Variants in MRTFA observed in about 807,000 individuals in gnomAD.
The protein encoded by MRTFA is myocardin related transcription factor A.
A neutral mutation model predicts 83.5 loss-of-function variants in MRTFA; 20 were observed. The ratio of observed to expected loss-of-function variants is 0.24; its 90% CI spans 0.17 to 0.35. The LOEUF (loss-of-function observed/expected upper bound fraction) is 0.35. Among genes scored for constraint, MRTFA ranks in the 10% least tolerant of loss-of-function variants. MRTFA has a pLI of 1.00. For missense variants in MRTFA, 1,200 were observed against 1,224.7 expected, an observed-to-expected ratio of 0.98 and a Z score of 0.30; for synonymous variants, 659 against 541.2, an observed-to-expected ratio of 1.22 and a Z score of -3.02.
At chr22:40,455,803 A>AGTATGTATGTATGTAT (rs3044520) in intron 4 of MRTFA, among the ~76,000 whole-genome samples, 4,986 of 143,310 alleles carry the variant, frequency 0.035, 152 homozygotes, top group East Asian at 0.12. Context: ...ATGGTATCCC[A>AGTATGTATGTATGTAT]GTATGTATGT....
chr22:40,431,692 C>T (rs962882027), intron 5 of MRTFA, among the ~76,000 whole-genome samples: 3 of 152,112 alleles, frequency 2.0e-5, no homozygotes, highest in Admixed American at 1.3e-4. Context: ...GGGCACCATC[C>T]TTCAAGACCA....
intron 3 of MRTFA, among the ~76,000 whole-genome samples, chr22:40,483,616 C>T (rs895959441): frequency 1.3e-5 from 2 of 151,226 alleles, no homozygotes; most frequent in East Asian, 3.9e-4. Context: ...ACCCAGGAGG[C>T]AGAGCTGGCA....
chr22:40,476,502 G>T (rs1342275683), intron 3 of MRTFA, among the ~76,000 whole-genome samples: 1 of 152,044 alleles, frequency 6.6e-6, no homozygotes, highest in African/African-American at 2.4e-5. Context: ...CTGTCACCCA[G>T]GCTGGAGAGC....
At chr22:40,412,509 T>G (rs2052580498) in intron 14 of MRTFA, 1 of 152,148 alleles carries the variant, frequency 6.6e-6, no homozygotes, top group African/African-American at 2.4e-5. Context: ...GGAAGCAGGG[T>G]CTCAGGTATT....
intron 3 of MRTFA, among the ~76,000 whole-genome samples, chr22:40,479,536 T>G (rs2054054006): frequency 6.6e-6 from 1 of 152,138 alleles, no homozygotes; most frequent in South Asian, 2.1e-4. Context: ...ATAAAAAACA[T>G]GGATTTGCCC....
At chr22:40,498,643 G>A (rs1038942884) in intron 3 of MRTFA, among the ~76,000 whole-genome samples, 2 of 152,096 alleles carry the variant, frequency 1.3e-5, no homozygotes, top group East Asian at 3.9e-4. Context: ...TGAGGGAGAA[G>A]ACAGACACAG....
chr22:40,603,762 ATT>A (rs1204265557), intron 1 of MRTFA, among the ~76,000 whole-genome samples: 1 of 149,748 alleles, frequency 6.7e-6, no homozygotes, highest in East Asian at 2.0e-4. Context: ...GAAAAAAAAA[ATT>A]TTTTTTTTAC....
rs188590432 is a variant in MRTFA at position 40,416,273 on chromosome 22, C to T, written c.2578+713G>A. ...GGCTCTCTCCAAATGGGGCTGATTC[C>T]AGCCGCTCCTCTGCCCGCCACTGCT... On this transcript the variant is annotated intron_variant, in intron 14 of 14. Transcript: ENST00000355630. The surrounding 1 kb of genome is among the most constrained non-coding windows in gnomAD (Gnocchi z 4.2). 6.6e-6 allele frequency among the ~76,000 whole-genome samples: 1 copy of T among 152,320 alleles called. No homozygotes were observed. The highest frequency in any genetic ancestry group is 1.9e-4 in the East Asian group (1 of 5,186).
chr22:40,600,185 GCT>G lies in MRTFA; in HGVS notation c.-83-5452_-83-5451del, dbSNP rs139813388. On this transcript the variant is annotated intron_variant, in intron 1 of 14. Coordinates refer to ENST00000355630, the MANE Select transcript of MRTFA (RefSeq NM_020831.6). ...CTCTCTCTGCCTGATTCCTCTGTTT[GCT>G]CTTTCTTCTGCACCCAAAGAGAAGA... is the stretch of plus-strand genomic sequence containing the variant. Among the ~76,000 whole-genome samples, 758 of 152,120 alleles carry G rather than the reference GCT, an allele frequency of 5.0e-3. 6 individuals are homozygous for G. Among genetic ancestry groups the G allele is most frequent in the Non-Finnish European group, 7.8e-3 (533 of 68,002 alleles).
At chr22:40,466,579 G>A (rs2053815675) in intron 3 of MRTFA, among the ~76,000 whole-genome samples, 1 of 152,186 alleles carries the variant, frequency 6.6e-6, no homozygotes, top group Non-Finnish European at 1.5e-5. Context: ...ATCTTTTAGA[G>A]TGTTTCTAAA....
chr22:40,423,511 G>A (rs1455881863), intron 9 of MRTFA, 25 bp downstream of exon 9: 1 of 1,459,004 alleles, frequency 6.9e-7, no homozygotes. Flanking sequence ...GGAAGGGGAG[G>A]GTACAATCAC....
At chr22:40,415,719 T>C (rs9611344) in intron 14 of MRTFA, among the ~76,000 whole-genome samples, 5,742 of 151,966 alleles carry the variant, frequency 0.038, 149 homozygotes, top group Middle Eastern at 0.068. Flanking sequence ...CCTACCTCCT[T>C]CTTCCCCTCT....
chr22:40,565,729 A>ACT (rs1399388417), intron 2 of MRTFA, among the ~76,000 whole-genome samples: 2 of 152,190 alleles, frequency 1.3e-5, no homozygotes, highest in Non-Finnish European at 2.9e-5. Context: ...ATATACAATA[A>ACT]AAAGTTTTTG....
At chr22:40,607,797 A>G (rs757892248) in intron 1 of MRTFA, among the ~76,000 whole-genome samples, 1 of 152,204 alleles carries the variant, frequency 6.6e-6, no homozygotes, top group Non-Finnish European at 1.5e-5. Context: ...AGGGCAAACT[A>G]TTCTTCAACT....
chr22:40,538,988 T>A (rs951701030), intron 3 of MRTFA, among the ~76,000 whole-genome samples: 29 of 134,422 alleles, frequency 2.2e-4, no homozygotes, highest in African/African-American at 7.6e-4. Flanking sequence ...ACACAGCCTT[T>A]TGTTTTTTTT....
chr22:40,622,676 G>C (rs78463154), intron 1 of MRTFA, among the ~76,000 whole-genome samples: 1 of 151,996 alleles, frequency 6.6e-6, no homozygotes, highest in Non-Finnish European at 1.5e-5. Context: ...AGGTGGAAGA[G>C]GTAAAGACCA....
In MRTFA at chr22:40,532,862, C is replaced by T. The variant is rs555701518; in HGVS notation, c.241+19244G>A. 2.0e-5 allele frequency among the ~76,000 whole-genome samples: 3 copies of T among 152,298 alleles called. 1 individual carries two copies. In the South Asian group the frequency reaches 6.2e-4, roughly 32 times the overall value. On this transcript the variant is annotated intron_variant, in intron 3 of 14. Transcript: ENST00000355630. ...TATGCTCTGAAACAAGAAAACACTA[C>T]AGATTACATTTTAGTAGAGATCTAA...
intron 5 of MRTFA, chr22:40,432,993 A>G (rs943908485): frequency 6.6e-6 from 1 of 152,192 alleles, no homozygotes; most frequent in African/African-American, 2.4e-5. Flanking sequence ...AAATATATGG[A>G]GGAGCTTCTG....
At chr22:40,488,508 C>T (rs1464327597) in intron 3 of MRTFA, among the ~76,000 whole-genome samples, 1 of 151,632 alleles carries the variant, frequency 6.6e-6, no homozygotes, top group Non-Finnish European at 1.5e-5. Context: ...CACGGTGAGA[C>T]TCCATCTCTC....
Sources: allele counts gnomAD v4.1 joint callset (sites outside exome capture counted in the v4.1 genomes callset), GRCh38; gene constraint gnomAD v4.1.1; non-coding constraint Gnocchi (gnomAD v3.1); transcripts MANE v1.5; gene names NCBI Gene and HGNC (gene_info 2026-07-23, HGNC 2026-07-21).